Variants in PEX13 observed in about 807,000 individuals in gnomAD.
PEX13 encodes peroxisome biogenesis factor 13.
A neutral mutation model predicts 34.5 loss-of-function variants in PEX13; 28 were observed. The ratio of observed to expected loss-of-function variants is 0.81; its 90% CI spans 0.60 to 1.11. PEX13 has a LOEUF of 1.11. Ranked by LOEUF, PEX13 falls within the 50% of genes most tolerant of loss-of-function variation. The pLI is 0.00. For missense variants in PEX13, 550 were observed against 491.0 expected (o/e 1.12, Z -1.13); for synonymous variants, 177 against 175.1 (o/e 1.01, Z -0.09).
chr2:61,022,733 G>C (rs1680285533), intron 1 of PEX13, among the ~76,000 whole-genome samples: 1 of 152,068 alleles, frequency 6.6e-6, no homozygotes, highest in Non-Finnish European at 1.5e-5. Flanking sequence ...CAGGTGTAGT[G>C]GTGTGTGCCT....
At position 61,051,570 on chromosome 2, in the gene PEX13, A is replaced by G. The variant is rs1440713136; in HGVS notation, c.*2800A>G. On this transcript the variant is annotated 3_prime_UTR_variant, in exon 4 of 4. Transcript: ENST00000295030. Reference sequence around the variant, plus strand: ...AAAGAGAAATTTTGTAACCTTTTTTATCATGACAGTTTTAGAATAATTTTT... The same window carrying G: ...AAAGAGAAATTTTGTAACCTTTTTTGTCATGACAGTTTTAGAATAATTTTT... 1 of 152,482 alleles carries G rather than the reference A, an allele frequency of 6.6e-6. No individual in the cohort carries two copies. 9.4% of individuals were successfully genotyped at this position (152,482 alleles called of 1,614,324 possible).
rs1680803166 is a variant in PEX13, at chr2:61,051,751, T to A, written c.*2981T>A. ...ACATGTTTCTTTTAATTTTTCTGAT[T>A]ATATTTTATGAGTTCAGAAAGGAAA... On this transcript the variant is annotated 3_prime_UTR_variant, in exon 4 of 4. Transcript: ENST00000295030. The A allele has an allele frequency of 6.6e-6, 1 of 152,286 alleles. No individual in the cohort carries two copies. The highest frequency in any genetic ancestry group is 2.4e-5 in the African/African-American group (1 of 41,448). 9.4% of individuals were successfully genotyped at this position (152,286 alleles called of 1,614,324 possible).
chr2:61,017,935 A>G (rs986988727), intron 1 of PEX13, 84 bp downstream of exon 1: 6 of 1,414,474 alleles, frequency 4.2e-6, no homozygotes, highest in Middle Eastern at 3.5e-4. Context: ...TTGTTAGTGG[A>G]GGTATTCCCT....
At chr2:61,029,546 G>A (rs1480956665) in intron 1 of PEX13, among the ~76,000 whole-genome samples, 1 of 152,152 alleles carries the variant, frequency 6.6e-6, no homozygotes, top group African/African-American at 2.4e-5. Flanking sequence ...AGTAAAAACA[G>A]CCCCAATATA....
chr2:61,044,347 C>T (rs1680672186), intron 2 of PEX13, among the ~76,000 whole-genome samples: 1 of 152,184 alleles, frequency 6.6e-6, no homozygotes, highest in African/African-American at 2.4e-5. Flanking sequence ...CGGCTCACTG[C>T]AACCTCTGCC....
In PEX13 at chr2:61,048,815, T is replaced by G. The variant is rs1201696918; in HGVS notation, c.*45T>G. 3.1e-5 allele frequency: 44 copies of G among 1,438,640 alleles called. No homozygotes were observed. The highest frequency in any genetic ancestry group is 4.0e-5 in the Non-Finnish European group (41 of 1,023,012). 89.1% of individuals were successfully genotyped at this position (1,438,640 alleles called of 1,614,324 possible). ...CAGTTGAACAATACTTTAGAGTACT[T>G]TTTAAAATTATTTCTCACAAAGAAA... is the stretch of plus-strand genomic sequence containing the variant. On this transcript the variant is annotated 3_prime_UTR_variant, in exon 4 of 4. Transcript: ENST00000295030.
intron 1 of PEX13, among the ~76,000 whole-genome samples, chr2:61,029,753 G>T (rs984273927): frequency 6.6e-6 from 1 of 151,566 alleles, no homozygotes; most frequent in South Asian, 2.1e-4. Context: ...TGGAGGCTGC[G>T]GTGAGCTATG....
Position 61,017,743 on chromosome 2 carries a change from G to C in PEX13, c.-17G>C, listed in dbSNP as rs1313224138. 6.5e-7 allele frequency: 1 copy of C among 1,547,102 alleles called. No homozygotes were observed. Among genetic ancestry groups the C allele is most frequent in the Non-Finnish European group, 8.7e-7 (1 of 1,145,012 alleles). On this transcript the variant is annotated 5_prime_UTR_variant, in exon 1 of 4. Coordinates refer to ENST00000295030, the MANE Select transcript of PEX13 (RefSeq NM_002618.4). The stretch of plus-strand genomic sequence containing the variant: ...ACAGTCAGGGGTAGGAGCGGGAGCC[G>C]AGAGGAGGCGGAGGAGATGGCGTCC...
In PEX13 at chr2:61,049,799, T is replaced by G. The variant is rs992648248; in HGVS notation, c.*1029T>G. The G allele has an allele frequency of 6.6e-5, 10 of 152,202 alleles. No individual in the cohort carries two copies. The highest frequency in any genetic ancestry group is 1.9e-4 in the African/African-American group (8 of 41,448). The allele number at this position is 152,202 out of a possible 1,614,324, so 9.4% of individuals were successfully genotyped here. A position where few individuals can be genotyped will look rare whatever the true frequency, so the allele number is the denominator to read the frequency against. ...TCAAAAAATAAAATTATTTATTTCT[T>G]TAAAATATGACTAGTTTTCATACTG... is the stretch of plus-strand genomic sequence containing the variant. On this transcript the variant is annotated 3_prime_UTR_variant, in exon 4 of 4. Transcript: ENST00000295030.
intron 1 of PEX13, among the ~76,000 whole-genome samples, chr2:61,027,631 T>C (rs1053995233): frequency 2.0e-5 from 3 of 152,240 alleles, no homozygotes; most frequent in Non-Finnish European, 4.4e-5. Context: ...GCCTGCATCT[T>C]GGCTGTCACT....
chr2:61,019,780 G>A (rs998124188), intron 1 of PEX13, among the ~76,000 whole-genome samples: 4 of 152,122 alleles, frequency 2.6e-5, no homozygotes, highest in Non-Finnish European at 1.5e-5. Flanking sequence ...TTGATATGTA[G>A]TATGTCAAGA....
At chr2:61,033,347 A>G (rs1013335418) in intron 2 of PEX13, among the ~76,000 whole-genome samples, 2 of 152,198 alleles carry the variant, frequency 1.3e-5, no homozygotes, top group African/African-American at 2.4e-5. Context: ...CAGAGGATGT[A>G]GTTACTGACT....
chr2:61,033,020 T>A, intron 2 of PEX13, among the ~76,000 whole-genome samples: 1 of 152,166 alleles, frequency 6.6e-6, no homozygotes, highest in East Asian at 1.9e-4. Context: ...AAGGAATGGA[T>A]GGTTTTTTGG....
At chr2:61,048,347 A>G (rs1680741677) in intron 3 of PEX13, 125 bp from the exon 4 acceptor site, 3 of 759,718 alleles carry the variant, frequency 3.9e-6, no homozygotes, top group Middle Eastern at 3.0e-4. Flanking sequence ...ATATATATGC[A>G]TGTACTATTT....
At chr2:61,040,472 A>C (rs1267942940) in intron 2 of PEX13, among the ~76,000 whole-genome samples, 3 of 152,146 alleles carry the variant, frequency 2.0e-5, no homozygotes, top group Admixed American at 2.0e-4. Context: ...CATTCCCAGC[A>C]AACTATCATA....
At chr2:61,022,898 G>C (rs970222258) in intron 1 of PEX13, among the ~76,000 whole-genome samples, 1 of 152,054 alleles carries the variant, frequency 6.6e-6, no homozygotes, top group Non-Finnish European at 1.5e-5. Context: ...TTCTAATATT[G>C]TGAGACTGTT....
rs1680321425 is a variant in PEX13 at position 61,024,632 on chromosome 2, G to GC, written c.93-6783dup. 2.0e-5 allele frequency among the ~76,000 whole-genome samples: 3 copies of GC among 152,208 alleles called. No homozygotes were observed. The South Asian group carries it at 6.2e-4, about 32-fold the overall frequency. On this transcript the variant is annotated intron_variant, in intron 1 of 3. Transcript: ENST00000295030. ...AGACCATCCTGGCTAACATGGTGAA[G>GC]CCCCGTCTCTACTGAAAATACAAAA...
chr2:61,018,249 A>C, intron 1 of PEX13: 1 of 1,551,126 alleles, frequency 6.4e-7, no homozygotes, highest in Non-Finnish European at 8.7e-7. Flanking sequence ...CAGGGAGCAA[A>C]GTCTCTCCTT....
At chr2:61,046,615 G>T (rs1214995920) in intron 3 of PEX13, among the ~76,000 whole-genome samples, 7 of 152,074 alleles carry the variant, frequency 4.6e-5, no homozygotes, top group Non-Finnish European at 1.0e-4. Flanking sequence ...CGGTGAAGTG[G>T]TACTATTATT....
Sources: allele counts gnomAD v4.1 joint callset (sites outside exome capture counted in the v4.1 genomes callset), GRCh38; gene constraint gnomAD v4.1.1; transcripts MANE v1.5; gene names NCBI Gene and HGNC (gene_info 2026-07-23, HGNC 2026-07-21).